Variants in ATG16L2 observed in about 807,000 individuals in gnomAD.
ATG16L2 encodes protein Atg16l2.
In ATG16L2, 77 loss-of-function variants were observed where a neutral mutation model predicts 84.7. That is an observed-to-expected ratio of 0.91 (90% CI 0.76 to 1.10). The LOEUF is 1.10. Ranked by LOEUF, ATG16L2 falls within the 50% of genes least tolerant of loss-of-function variation. The pLI is 0.00. For synonymous variants in ATG16L2, 361 were observed against 342.8 expected, an observed-to-expected ratio of 1.05 and a Z score of -0.59; for missense variants, 782 against 817.6, an observed-to-expected ratio of 0.96 and a Z score of 0.53.
At position 72,817,610 on chromosome 11, in the gene ATG16L2, T is replaced by G. The variant is rs1383154609; in HGVS notation, c.219-146T>G. On this transcript the variant is annotated intron_variant, in intron 2 of 17. Coordinates refer to ENST00000321297, the MANE Select transcript of ATG16L2 (RefSeq NM_033388.2). ...GACAGCTCATTTCTAGAGACTTGCC[T>G]TTTCCTTTACTGGCTTGCTGGCTTC... 6.6e-6 allele frequency: 5 copies of G among 755,612 alleles called. No homozygotes were observed. The East Asian group carries it at 8.1e-5, about 12-fold the overall frequency. 46.8% of individuals were successfully genotyped at this position (755,612 alleles called of 1,614,324 possible). A position where few individuals can be genotyped will look rare whatever the true frequency, so the allele number is the denominator to read the frequency against.
At chr11:72,841,340 C>CAAAA (rs59748827) in intron 5 of ATG16L2, 367 of 373,604 alleles carry the variant, frequency 9.8e-4, no homozygotes, top group South Asian at 1.8e-3. Context: ...ACTCTGTCTC[C>CAAAA]AAAAAAAAAA....
rs764234934 is a variant in ATG16L2, at chr11:72,822,442, C to T, written c.645-36C>T. On this transcript the variant is annotated intron_variant, in intron 5 of 17. Transcript: ENST00000321297. The surrounding 1 kb of genome is among the most constrained non-coding windows in gnomAD (Gnocchi z 4.2). ...CTAGCCCCGCCTGCGTGCGAGGCGC[C>T]GCGCCAGGGTCTCAGGATGCTTTTT... 10 of 1,612,120 alleles carry T rather than the reference C, an allele frequency of 6.2e-6. No homozygotes were observed. The highest frequency in any genetic ancestry group is 1.1e-5 in the South Asian group (1 of 90,984).
At chr11:72,827,365 C>A in intron 14 of ATG16L2, 72 bp downstream of exon 14, 1 of 1,305,484 alleles carries the variant, frequency 7.7e-7, no homozygotes, top group Non-Finnish European at 1.1e-6. Flanking sequence ...GTTCCTTTCT[C>A]TGGCCATGGC....
intron 3 of ATG16L2, 33 bp downstream of exon 3, chr11:72,817,888 A>G (rs372974423): frequency 9.2e-5 from 145 of 1,577,084 alleles, no homozygotes; most frequent in Admixed American, 5.2e-5. Flanking sequence ...AATGGGGTAG[A>G]GAGATGTGGT....
chr11:72,838,754 C>T (rs372258795), intron 5 of ATG16L2: 1 of 1,539,144 alleles, frequency 6.5e-7, no homozygotes, highest in Non-Finnish European at 8.9e-7. Context: ...CCAAGCCTGG[C>T]CTTGATTGTA....
At position 72,843,180 on chromosome 11, in the gene ATG16L2, A is replaced by G. The variant is rs530741137; in HGVS notation, c.*585A>G. On this transcript the variant is annotated 3_prime_UTR_variant, in exon 6 of 6. Coordinates refer to the ATG16L2 transcript ENST00000534905. The stretch of plus-strand genomic sequence containing the variant: ...GGCATCTCCGTTGAGGCTGCCTGAA[A>G]CGAGTTCTGCTTCCGTGGAATTGCT... The G allele has an allele frequency of 1.2e-6, 2 of 1,613,962 alleles. 1 individual carries two copies. The highest frequency in any genetic ancestry group is 2.2e-5 in the South Asian group (2 of 91,072).
intron 3 of ATG16L2, chr11:72,821,137 C>A: frequency 1.2e-6 from 1 of 837,976 alleles, no homozygotes; most frequent in Non-Finnish European, 1.4e-6. Context: ...GCCCAAATCT[C>A]TTAGCTACGT....
chr11:72,821,199 T>G, intron 3 of ATG16L2: 2 of 986,932 alleles, frequency 2.0e-6, no homozygotes, highest in Non-Finnish European at 2.4e-6. Flanking sequence ...GTCTGTGAAG[T>G]GAGAGTGGCA....
At chr11:72,815,830 G>A (rs1158152500) in intron 1 of ATG16L2, 2 of 152,244 alleles carry the variant, frequency 1.3e-5, no homozygotes, top group Non-Finnish European at 1.5e-5. Context: ...CCCTGGAACT[G>A]GTGAGAAAAG....
rs1413558655 is a variant in ATG16L2 at position 72,827,194 on chromosome 11, G to A, written c.1373G>A (p.Arg458Lys). Residue 458 changes from arginine to lysine, a missense_variant, in exon 14 of 18, where the codon AGG (arginine) becomes AAG (lysine). Physicochemically the swap from Arg to Lys is conservative, Grantham distance 26. Coordinates refer to ENST00000321297, the MANE Select transcript of ATG16L2 (RefSeq NM_033388.2). ...TCTGCTGCTTGGTCCCCAGGCTCCA[G>A]GACCATCAATGTCCTTTCCTACTGT... ...EWDLGRAYCS[R>K]TINVLSYCND... is the part of the protein sequence containing the mutation. 6.2e-7 allele frequency: 1 copy of A among 1,613,938 alleles called. No homozygotes were observed.
downstream of ATG16L2, among the ~76,000 whole-genome samples, chr11:72,830,421 G>T (rs1860580752): frequency 6.6e-6 from 1 of 152,132 alleles, no homozygotes; most frequent in Admixed American, 6.5e-5. Context: ...CTGCCACTGT[G>T]GGCCACCTTC....
At chr11:72,828,533 C>G in intron 15 of ATG16L2, 25 bp downstream of exon 15, 2 of 1,613,872 alleles carry the variant, frequency 1.2e-6, no homozygotes, top group East Asian at 2.2e-5. Context: ...CCTGCTGACC[C>G]TGTGGCCTTT....
At chr11:72,831,422 C>T (rs759172900), downstream of ATG16L2, among the ~76,000 whole-genome samples, 2 of 152,178 alleles carry the variant, frequency 1.3e-5, no homozygotes, top group African/African-American at 4.8e-5. Flanking sequence ...AGGAGAATCA[C>T]GGAACCCAGG....
At chr11:72,821,230 T>TTAAAA in intron 3 of ATG16L2, 1 of 994,408 alleles carries the variant, frequency 1.0e-6, no homozygotes, top group South Asian at 4.3e-5. Flanking sequence ...CCTGGTGTGG[T>TTAAAA]GAGGATGGAA....
At chr11:72,821,437 G>A (rs1859984791) in intron 3 of ATG16L2, 1 of 1,351,402 alleles carries the variant, frequency 7.4e-7, no homozygotes, top group Non-Finnish European at 9.5e-7. Flanking sequence ...GAAACGAAGC[G>A]GCACGGCGAG....
At position 72,842,615 on chromosome 11, in the gene ATG16L2, A is replaced by C. The variant is rs776986374; in HGVS notation, c.*22-2A>C. 1.2e-6 allele frequency: 2 copies of C among 1,613,950 alleles called. No homozygotes were observed. Among genetic ancestry groups the C allele is most frequent in the South Asian group, 2.2e-5 (2 of 91,082 alleles). ...TTTTAATTCAACTGTCTCCCCTCTCAGGTACCTGAATCTCTCTCATCCATG... is the reference window on the plus strand; with the variant it reads ...TTTTAATTCAACTGTCTCCCCTCTCCGGTACCTGAATCTCTCTCATCCATG... On this transcript the variant is annotated splice_acceptor_variant, in intron 5 of 5. Coordinates refer to the ATG16L2 transcript ENST00000534905. LOFTEE classifies it low-confidence loss of function (3UTR_SPLICE).
Position 72,822,845 on chromosome 11 carries a change from T to C in ATG16L2, c.711-3T>C. The stretch of plus-strand genomic sequence containing the variant: ...CCTTTCTGAACTTCATTACCTCTCC[T>C]AGGGGCCCGGACACCCTAGGCGATG... On this transcript the variant is annotated splice_region_variant and splice_polypyrimidine_tract_variant and intron_variant, in intron 6 of 17. Transcript: ENST00000321297. The surrounding 1 kb of genome is among the most constrained non-coding windows in gnomAD (Gnocchi z 4.2). 4.5e-6 allele frequency: 7 copies of C among 1,551,744 alleles called. No homozygotes were observed. Among genetic ancestry groups the C allele is most frequent in the Non-Finnish European group, 6.1e-6 (7 of 1,147,418 alleles).
chr11:72,821,241 G>T (rs1859973415), intron 3 of ATG16L2: 1 of 999,832 alleles, frequency 1.0e-6, no homozygotes, highest in African/African-American at 1.7e-5. Flanking sequence ...GAGGATGGAA[G>T]GAGCGTGTAG....
intron 5 of ATG16L2, among the ~76,000 whole-genome samples, chr11:72,839,475 T>C (rs545537336): frequency 6.6e-6 from 1 of 152,288 alleles, no homozygotes; most frequent in East Asian, 1.9e-4. Flanking sequence ...TTTGTAATCC[T>C]CTGAATGAGA....
Sources: gnomAD v4.1 joint callset for allele counts (sites outside exome capture counted in the v4.1 genomes callset) on GRCh38, gnomAD v4.1.1 for gene constraint, Gnocchi (gnomAD v3.1) non-coding constraint, MANE v1.5 for transcripts, NCBI Gene and HGNC (gene_info 2026-07-23, HGNC 2026-07-21) for gene names.